The following STK39 variants were observed in gnomAD, a reference collection of about 807,000 sequenced individuals.
The protein encoded by STK39 is STE20/SPS1-related proline-alanine-rich protein kinase.
In STK39, 20 loss-of-function variants were observed where a neutral mutation model predicts 77.8. The observed-to-expected ratio is 0.26, with a 90% CI of 0.18 to 0.37. The LOEUF is 0.37. Ranked by LOEUF, STK39 falls within the 10% of genes least tolerant of loss-of-function variation. STK39 has a pLI of 1.00. For synonymous variants in STK39, 246 were observed against 234.1 expected, an observed-to-expected ratio of 1.05 and a Z score of -0.47; for missense variants, 479 against 656.5, an observed-to-expected ratio of 0.73 and a Z score of 2.95.
chr2:168,086,437 A>C (rs952236731), intron 10 of STK39, among the ~76,000 whole-genome samples: 6 of 152,254 alleles, frequency 3.9e-5, no homozygotes, highest in Non-Finnish European at 7.3e-5. Flanking sequence ...TGGACCTTTT[A>C]GTCAGTGATT....
chr2:168,009,699 C>T (rs939546510), intron 16 of STK39, among the ~76,000 whole-genome samples: 4 of 152,088 alleles, frequency 2.6e-5, no homozygotes, highest in Admixed American at 2.0e-4. Flanking sequence ...CCATGTAAGG[C>T]ATTTTTAAGT....
chr2:168,169,444 G>A (rs925411275), intron 2 of STK39, among the ~76,000 whole-genome samples: 2 of 152,158 alleles, frequency 1.3e-5, no homozygotes, highest in African/African-American at 4.8e-5. Flanking sequence ...TTCTAGTGCT[G>A]TAACTCCAAA....
rs187730784 is a variant in STK39 at position 168,204,750 on chromosome 2, T to A, written c.209-22660A>T. Among the ~76,000 whole-genome samples, 5 of 152,190 alleles carry A rather than the reference T, an allele frequency of 3.3e-5. No homozygotes were observed. The East Asian group carries it at 9.6e-4, about 29-fold the overall frequency. ...GGCATAACAGCAGGTAAAAAGGAGA[T>A]GATCGTTTTTAATGGTTCTTTTGTG... On this transcript the variant is annotated intron_variant, in intron 1 of 17. Coordinates refer to ENST00000355999, the MANE Select transcript of STK39 (RefSeq NM_013233.3).
intron 15 of STK39, among the ~76,000 whole-genome samples, chr2:168,013,097 G>A (rs1684311685): frequency 6.6e-6 from 1 of 152,156 alleles, no homozygotes; most frequent in Admixed American, 6.6e-5. Context: ...GCTATGGAGT[G>A]AATTACAGCA....
chr2:168,072,177 C>A (rs1685958420), intron 12 of STK39, among the ~76,000 whole-genome samples: 1 of 152,062 alleles, frequency 6.6e-6, no homozygotes, highest in Non-Finnish European at 1.5e-5. Context: ...TAATTCCATT[C>A]ATGTTTTAAA....
intron 5 of STK39, among the ~76,000 whole-genome samples, chr2:168,146,716 GAAC>G (rs1347072481): frequency 6.6e-6 from 1 of 152,114 alleles, no homozygotes; most frequent in Non-Finnish European, 1.5e-5. Flanking sequence ...CGTTAGAGAA[GAAC>G]AACATTTGGA....
At chr2:167,971,573 C>T (rs943148218) in intron 16 of STK39, among the ~76,000 whole-genome samples, 1 of 152,144 alleles carries the variant, frequency 6.6e-6, no homozygotes, top group African/African-American at 2.4e-5. Flanking sequence ...TTCATGCTTA[C>T]ACATTAGGTA....
chr2:167,977,515 T>C (rs1260965917), intron 16 of STK39, among the ~76,000 whole-genome samples: 1 of 151,372 alleles, frequency 6.6e-6, no homozygotes, highest in Non-Finnish European at 1.5e-5. Flanking sequence ...AAGTCATGTT[T>C]ACCAGGAATA....
At chr2:167,959,245 AG>A (rs1391154847) in intron 17 of STK39, among the ~76,000 whole-genome samples, 1 of 151,174 alleles carries the variant, frequency 6.6e-6, no homozygotes, top group Non-Finnish European at 1.5e-5. Context: ...CAGCCTCTCG[AG>A]GAGCTGGGAC....
chr2:168,062,807 C>T (rs536417428), intron 14 of STK39, among the ~76,000 whole-genome samples: 2 of 152,236 alleles, frequency 1.3e-5, no homozygotes, highest in South Asian at 2.1e-4. Context: ...AAAGATGTGA[C>T]AGTATTCTGA....
At chr2:168,170,708 C>T (rs191578572) in intron 2 of STK39, among the ~76,000 whole-genome samples, 48 of 152,298 alleles carry the variant, frequency 3.2e-4, no homozygotes, top group Admixed American at 1.2e-3. Context: ...ACACAGACGA[C>T]TGCAAGGAAG....
At chr2:168,140,195 T>C in intron 7 of STK39, 94 bp downstream of exon 7, 3 of 1,085,570 alleles carry the variant, frequency 2.8e-6, no homozygotes, top group South Asian at 1.3e-5. Context: ...TCTCCTCGGG[T>C]CTAAGAGAAG....
At position 167,956,720 on chromosome 2, in the gene STK39, TCTC is replaced by T. The variant is rs1559032405; in HGVS notation, c.1564-1153_1564-1151del. The stretch of plus-strand genomic sequence containing the variant: ...CACTCTCTCTCTCTCTCTCTCTCTC[TCTC>T]TCTCTCCCCCCCCGCCCCCTCAGAT... On this transcript the variant is annotated intron_variant, in intron 17 of 17. Transcript: ENST00000355999. 2.5e-3 allele frequency among the ~76,000 whole-genome samples: 155 copies of T among 61,320 alleles called. 5 individuals are homozygous for T. The highest frequency in any genetic ancestry group is 6.4e-3 in the East Asian group (22 of 3,452). The allele number at this position is 61,320 out of a possible 152,430, so 40.2% of individuals were successfully genotyped here. A position where few individuals can be genotyped will look rare whatever the true frequency, so the allele number is the denominator to read the frequency against.
At chr2:168,207,117 C>T (rs1689761775) in intron 1 of STK39, among the ~76,000 whole-genome samples, 1 of 152,176 alleles carries the variant, frequency 6.6e-6, no homozygotes. Context: ...ATGAAAGCTA[C>T]CTTTTCAGCA....
intron 16 of STK39, among the ~76,000 whole-genome samples, chr2:168,000,489 C>A (rs1214420707): frequency 6.6e-6 from 1 of 152,220 alleles, no homozygotes; most frequent in Non-Finnish European, 1.5e-5. Context: ...AAATCATGTC[C>A]TCTAACCTGT....
intron 5 of STK39, among the ~76,000 whole-genome samples, chr2:168,146,850 G>A (rs1381056596): frequency 6.6e-6 from 1 of 152,190 alleles, no homozygotes; most frequent in Non-Finnish European, 1.5e-5. Context: ...TGGAAATGGA[G>A]AGGATTAGAC....
At chr2:168,028,783 T>C (rs1684764611) in intron 14 of STK39, among the ~76,000 whole-genome samples, 1 of 152,146 alleles carries the variant, frequency 6.6e-6, no homozygotes, top group South Asian at 2.1e-4. Context: ...GATGTATACC[T>C]CTCTCCCATG....
At chr2:168,232,774 T>C (rs1690491964) in intron 1 of STK39, among the ~76,000 whole-genome samples, 1 of 151,902 alleles carries the variant, frequency 6.6e-6, no homozygotes. Flanking sequence ...TAGCTGGACG[T>C]AGTGGCAGGT....
rs114570725 is a variant in STK39 at position 168,023,104 on chromosome 2, A to G, written c.1377-6009T>C. Among the ~76,000 whole-genome samples, 1,461 of 152,126 alleles carry G rather than the reference A, an allele frequency of 9.6e-3. 28 individuals are homozygous for G. The highest frequency in any genetic ancestry group is 0.034 in the African/African-American group (1,391 of 41,496). On this transcript the variant is annotated intron_variant, in intron 14 of 17. Coordinates refer to ENST00000355999, the MANE Select transcript of STK39 (RefSeq NM_013233.3). ...TAATTTTTTAATTTTTTGTAGAGACAAGGGTCTTGCTATGTTGCTGAGGCT... is the reference window on the plus strand; with the variant it reads ...TAATTTTTTAATTTTTTGTAGAGACGAGGGTCTTGCTATGTTGCTGAGGCT...
Sources: allele counts gnomAD v4.1 joint callset (sites outside exome capture counted in the v4.1 genomes callset), GRCh38; gene constraint gnomAD v4.1.1; transcripts MANE v1.5; gene names NCBI Gene and HGNC (gene_info 2026-07-23, HGNC 2026-07-21).